Variants in CERS3 observed in about 807,000 individuals in gnomAD.
The protein encoded by CERS3 is ceramide synthase 3.
Under a neutral mutation model 50.3 loss-of-function variants are expected in CERS3, and 33 were observed. The observed-to-expected ratio is 0.66, with a 90% CI of 0.50 to 0.88. The LOEUF (loss-of-function observed/expected upper bound fraction) is 0.88, where lower values mean the gene tolerates loss of function less well. Among genes scored for constraint, CERS3 ranks in the 40% least tolerant of loss-of-function variants. The pLI is 0.00. For missense variants in CERS3, 470 were observed against 460.3 expected (o/e 1.02, Z -0.19); for synonymous variants, 176 against 155.2 (o/e 1.13, Z -0.99).
At chr15:100,447,011 T>G in intron 11 of CERS3, among the ~76,000 whole-genome samples, 1 of 152,216 alleles carries the variant, frequency 6.6e-6, no homozygotes, top group African/African-American at 2.4e-5. Context: ...TTGAAATATT[T>G]TACTCCAAAA....
chr15:100,402,538 T>A lies in CERS3; in HGVS notation c.*175A>T. The A allele has an allele frequency of 1.6e-6, 1 of 619,990 alleles. No individual in the cohort carries two copies. Among genetic ancestry groups the A allele is most frequent in the Non-Finnish European group, 2.8e-6 (1 of 360,204 alleles). 38.4% of individuals were successfully genotyped at this position (619,990 alleles called of 1,614,324 possible). On this transcript the variant is annotated 3_prime_UTR_variant, in exon 12 of 12. Coordinates refer to ENST00000679737, the MANE Select transcript of CERS3 (RefSeq NM_001378789.1). ...CAGTAAAAATCCATGGGCATGCTTATATTTAACATTTTAACACAAGTTAAC... is the reference window on the plus strand; with the variant it reads ...CAGTAAAAATCCATGGGCATGCTTAAATTTAACATTTTAACACAAGTTAAC...
intron 11 of CERS3, among the ~76,000 whole-genome samples, chr15:100,431,915 T>A (rs1377044287): frequency 1.3e-5 from 2 of 152,234 alleles, no homozygotes; most frequent in Non-Finnish European, 2.9e-5. Flanking sequence ...TCTGGAATCC[T>A]GGGAGATCTT....
intron 1 of CERS3, among the ~76,000 whole-genome samples, chr15:100,541,063 A>G (rs982423774): frequency 4.6e-5 from 7 of 152,188 alleles, no homozygotes; most frequent in Non-Finnish European, 4.4e-5. Context: ...TTTGGTTAGA[A>G]AAAGCTAGGG....
At chr15:100,432,864 T>G (rs981430219) in intron 11 of CERS3, among the ~76,000 whole-genome samples, 3 of 152,200 alleles carry the variant, frequency 2.0e-5, no homozygotes, top group East Asian at 3.9e-4. Context: ...CATCTGGTTC[T>G]GTGCTGCTCT....
At chr15:100,441,805 C>CA (rs1481459752) in intron 11 of CERS3, among the ~76,000 whole-genome samples, 3 of 123,306 alleles carry the variant, frequency 2.4e-5, no homozygotes, top group Non-Finnish European at 3.6e-5. Flanking sequence ...ATCAGTCCCC[C>CA]CCAGTCTGTG....
chr15:100,473,134 G>A (rs1192620333), intron 8 of CERS3, 82 bp from the exon 9 acceptor site: 44 of 1,401,412 alleles, frequency 3.1e-5, no homozygotes, highest in Middle Eastern at 2.0e-4. Flanking sequence ...TAATAATAAT[G>A]AGACCAATAA....
At chr15:100,412,314 G>A (rs536746871) in intron 11 of CERS3, among the ~76,000 whole-genome samples, 116 of 152,112 alleles carry the variant, frequency 7.6e-4, no homozygotes, top group Non-Finnish European at 1.4e-3. Flanking sequence ...ACCATTTGTC[G>A]AAAAGACTCC....
chr15:100,449,644 CA>C (rs151040966), intron 11 of CERS3, among the ~76,000 whole-genome samples: 3 of 151,844 alleles, frequency 2.0e-5, no homozygotes, highest in Admixed American at 6.6e-5. Context: ...TGTTTATAGC[CA>C]AAAAAAATCA....
chr15:100,421,350 C>G (rs369918673), intron 11 of CERS3, among the ~76,000 whole-genome samples: 1 of 151,196 alleles, frequency 6.6e-6, no homozygotes, highest in Non-Finnish European at 1.5e-5. Context: ...CAAAGAGAAT[C>G]AAATACCTAG....
At chr15:100,466,496 A>G (rs935099611) in intron 10 of CERS3, among the ~76,000 whole-genome samples, 1 of 152,140 alleles carries the variant, frequency 6.6e-6, no homozygotes, top group Non-Finnish European at 1.5e-5. Context: ...CCTGGTTCCA[A>G]TAAAAAATAC....
At chr15:100,459,938 C>T (rs567940494) in intron 10 of CERS3, among the ~76,000 whole-genome samples, 9 of 152,128 alleles carry the variant, frequency 5.9e-5, no homozygotes, top group African/African-American at 1.9e-4. Flanking sequence ...GCTTTTGTGG[C>T]ATCTGTCCAT....
intron 11 of CERS3, among the ~76,000 whole-genome samples, chr15:100,423,594 T>A (rs964778394): frequency 6.6e-6 from 1 of 152,136 alleles, no homozygotes; most frequent in Non-Finnish European, 1.5e-5. Flanking sequence ...CACTAGGTCC[T>A]ACTTGAGGGC....
intron 10 of CERS3, among the ~76,000 whole-genome samples, chr15:100,466,638 G>C (rs1467105584): frequency 7.4e-6 from 1 of 135,794 alleles, no homozygotes; most frequent in Non-Finnish European, 1.6e-5. Context: ...AGGCCAACTA[G>C]AGGGGCTGTG....
intron 1 of CERS3, among the ~76,000 whole-genome samples, chr15:100,524,608 T>C (rs984760655): frequency 6.6e-6 from 1 of 152,240 alleles, no homozygotes; most frequent in Non-Finnish European, 1.5e-5. Context: ...TGAAAATTGC[T>C]AATCTGCAGA....
intron 11 of CERS3, among the ~76,000 whole-genome samples, chr15:100,443,117 A>G (rs1237101944): frequency 6.0e-3 from 888 of 149,074 alleles, no homozygotes; most frequent in African/African-American, 0.022. Context: ...ACACCTCATT[A>G]CTGCCCTTCT....
intron 11 of CERS3, among the ~76,000 whole-genome samples, chr15:100,449,606 A>G (rs1226517239): frequency 1.3e-5 from 2 of 152,206 alleles, no homozygotes; most frequent in African/African-American, 2.4e-5. Context: ...CCCTGAGCCA[A>G]TGAAAAATTC....
At chr15:100,439,132 G>T (rs919694244) in intron 11 of CERS3, among the ~76,000 whole-genome samples, 7 of 152,028 alleles carry the variant, frequency 4.6e-5, no homozygotes, top group Non-Finnish European at 1.0e-4. Flanking sequence ...TGCTAAGCAG[G>T]GTCCATATAA....
chr15:100,514,952 A>G (rs2036449997), intron 2 of CERS3, among the ~76,000 whole-genome samples: 1 of 152,226 alleles, frequency 6.6e-6, no homozygotes, highest in Non-Finnish European at 1.5e-5. Flanking sequence ...ATTTTATTCT[A>G]AAAATCATGC....
chr15:100,459,392 C>T (rs1450613829), intron 10 of CERS3, among the ~76,000 whole-genome samples: 3 of 152,126 alleles, frequency 2.0e-5, no homozygotes, highest in African/African-American at 4.8e-5. Context: ...ACCTCCCAGG[C>T]TCAAGCAATC....
Sources: allele counts gnomAD v4.1 joint callset (sites outside exome capture counted in the v4.1 genomes callset), GRCh38; gene constraint gnomAD v4.1.1; transcripts MANE v1.5; gene names NCBI Gene and HGNC (gene_info 2026-07-23, HGNC 2026-07-21).